Variants in RBFOX1 observed in about 807,000 individuals in gnomAD.
RBFOX1 encodes the protein RNA binding fox-1 homolog 1.
A neutral mutation model predicts 57.7 loss-of-function variants in RBFOX1; 8 were observed. The observed-to-expected ratio is 0.14, with a 90% CI of 0.08 to 0.25. RBFOX1 has a LOEUF of 0.25. RBFOX1 is among the 10% of genes least tolerant of loss of function. The pLI is 1.00. For synonymous variants in RBFOX1, 326 were observed against 222.4 expected (o/e 1.47, Z -4.15); for missense variants, 611 against 548.5 (o/e 1.11, Z -1.14).
chr16:6,873,574 C>G (rs1327118154), intron 3 of RBFOX1, among the ~76,000 whole-genome samples: 1 of 152,068 alleles, frequency 6.6e-6, no homozygotes, highest in African/African-American at 2.4e-5. Flanking sequence ...GCTGCATAAA[C>G]TATTGAGTTA....
At chr16:5,700,642 A>G (rs1174380066) in intron 3 of RBFOX1, among the ~76,000 whole-genome samples, 1 of 152,234 alleles carries the variant, frequency 6.6e-6, no homozygotes, top group African/African-American at 2.4e-5. Context: ...AAAATTCTCC[A>G]TAATGATGTC....
rs367621417 is a variant in RBFOX1 at position 7,080,296 on chromosome 16, C to G, written c.27+28198C>G. On this transcript the variant is annotated intron_variant, in intron 4 of 15. Transcript: ENST00000550418. ...TTTACTGCAATATCTCAGCAGATAG[C>G]TGAACACTGGCATAAATAGATTATT... Among the ~76,000 whole-genome samples the G allele has an allele frequency of 1.4e-3, 212 of 152,164 alleles. 1 individual carries two copies. Among genetic ancestry groups the G allele is most frequent in the African/African-American group, 4.8e-3 (200 of 41,506 alleles).
At chr16:6,958,127 G>C (rs2082247083) in intron 3 of RBFOX1, among the ~76,000 whole-genome samples, 1 of 152,122 alleles carries the variant, frequency 6.6e-6, no homozygotes. Flanking sequence ...ACCGGATTTT[G>C]CACGTTTTTT....
At chr16:7,710,363 C>A (rs553224310) in intron 15 of RBFOX1, 13 of 1,311,916 alleles carry the variant, frequency 9.9e-6, no homozygotes, top group Non-Finnish European at 1.2e-5. Context: ...CTTCCATTGT[C>A]CAGCTTATAA....
At chr16:6,863,554 A>G (rs532801190) in intron 3 of RBFOX1, among the ~76,000 whole-genome samples, 1 of 151,994 alleles carries the variant, frequency 6.6e-6, no homozygotes, top group South Asian at 2.1e-4. Context: ...TTACATAGAT[A>G]AATGTAAATA....
chr16:7,363,795 CGAAAATAAGTGCCCAGAA>C (rs2097378101), intron 4 of RBFOX1, among the ~76,000 whole-genome samples: 1 of 151,898 alleles, frequency 6.6e-6, no homozygotes, highest in South Asian at 2.1e-4. Context: ...TTTCAGGGGC[CGAAAATAAGTGCCCAGAA>C]TCTCCCGTCA....
chr16:7,250,501 C>T (rs561748363), intron 4 of RBFOX1, among the ~76,000 whole-genome samples: 2 of 152,340 alleles, frequency 1.3e-5, no homozygotes, highest in East Asian at 3.9e-4. Context: ...GCTGTGATTA[C>T]ACTTACCTTG....
At chr16:6,985,222 C>T (rs377745285) in intron 3 of RBFOX1, among the ~76,000 whole-genome samples, 1 of 147,900 alleles carries the variant, frequency 6.8e-6, no homozygotes, top group Non-Finnish European at 1.5e-5. Flanking sequence ...ATTTTTTTCT[C>T]TGGCCTCTTG....
chr16:7,175,226 T>G (rs1350422581), intron 4 of RBFOX1, among the ~76,000 whole-genome samples: 2 of 152,024 alleles, frequency 1.3e-5, no homozygotes, highest in African/African-American at 4.8e-5. Flanking sequence ...TAGGCCCCAG[T>G]GTGTGTTGTT....
intron 4 of RBFOX1, among the ~76,000 whole-genome samples, chr16:7,306,605 A>G (rs200060011): frequency 1.7e-5 from 2 of 118,246 alleles, no homozygotes; most frequent in Non-Finnish European, 3.7e-5. Flanking sequence ...GTGTGTGTGT[A>G]TTTTCTCTGA....
At chr16:6,352,015 C>G (rs1314492707) in intron 2 of RBFOX1, among the ~76,000 whole-genome samples, 10 of 152,122 alleles carry the variant, frequency 6.6e-5, no homozygotes, top group Non-Finnish European at 1.3e-4. Context: ...CAAACCTACC[C>G]TTTTTCAGTG....
At chr16:6,977,809 A>C (rs1005186380) in intron 3 of RBFOX1, among the ~76,000 whole-genome samples, 1 of 152,044 alleles carries the variant, frequency 6.6e-6, no homozygotes, top group African/African-American at 2.4e-5. Flanking sequence ...TGTGGATTGC[A>C]GGCACCTTTG....
intron 4 of RBFOX1, among the ~76,000 whole-genome samples, chr16:7,170,547 C>T (rs1034930815): frequency 2.6e-5 from 4 of 152,186 alleles, no homozygotes; most frequent in Admixed American, 1.3e-4. Context: ...CGAGCCACCA[C>T]TTCTGGCTAA....
At chr16:7,397,095 T>A (rs2098153005) in intron 4 of RBFOX1, among the ~76,000 whole-genome samples, 1 of 152,152 alleles carries the variant, frequency 6.6e-6, no homozygotes, top group South Asian at 2.1e-4. Flanking sequence ...TGAAAACTAT[T>A]TTTTTCAGTG....
chr16:5,592,607 G>T (rs141904032), intron 2 of RBFOX1, among the ~76,000 whole-genome samples: 2 of 152,022 alleles, frequency 1.3e-5, no homozygotes, highest in African/African-American at 2.4e-5. Flanking sequence ...GTAGAGATGG[G>T]GTTTCACCAT....
intron 4 of RBFOX1, among the ~76,000 whole-genome samples, chr16:7,464,688 C>CTTTTTTTTTTTTTTTT (rs57553411): frequency 1.6e-5 from 1 of 62,232 alleles, no homozygotes; most frequent in African/African-American, 6.9e-5. Flanking sequence ...TATTGTCTGT[C>CTTTTTTTTTTTTTTTT]TTTTTTTTTT....
rs183935580 is a variant in RBFOX1, at chr16:5,953,210, G to A, written c.351+85875G>A. ...GCCCTGGGGCCATGTTTCTCAGCTA[G>A]GGAATGATTTTGCCCCTCAGATAAG... On this transcript the variant is annotated intron_variant, in intron 4 of 19. Coordinates refer to the RBFOX1 transcript ENST00000641259. Among the ~76,000 whole-genome samples, 261 of 152,286 alleles carry A rather than the reference G, an allele frequency of 1.7e-3. 1 individual carries two copies. Among genetic ancestry groups the A allele is most frequent in the African/African-American group, 4.7e-3 (195 of 41,556 alleles).
At chr16:6,866,970 A>G (rs919439936) in intron 3 of RBFOX1, among the ~76,000 whole-genome samples, 3 of 150,386 alleles carry the variant, frequency 2.0e-5, no homozygotes, top group African/African-American at 7.3e-5. Context: ...ATACTGTTTT[A>G]AGCATACAGA....
chr16:5,933,249 C>T (rs1440267076), intron 4 of RBFOX1, among the ~76,000 whole-genome samples: 1 of 152,110 alleles, frequency 6.6e-6, no homozygotes, highest in South Asian at 2.1e-4. Context: ...TGCGAGGTTC[C>T]GATGTTGCCA....
Sources: allele counts gnomAD v4.1 joint callset (sites outside exome capture counted in the v4.1 genomes callset), GRCh38; gene constraint gnomAD v4.1.1; transcripts MANE v1.5; gene names NCBI Gene and HGNC (gene_info 2026-07-23, HGNC 2026-07-21).